Variants in KIAA1217 observed in about 807,000 individuals in gnomAD.
The protein encoded by KIAA1217 is KIAA1217.
A neutral mutation model predicts 163.9 loss-of-function variants in KIAA1217; 88 were observed. The observed-to-expected ratio is 0.54, with a 90% CI of 0.45 to 0.64. KIAA1217 has a LOEUF of 0.64. Among genes scored for constraint, KIAA1217 ranks in the 30% least tolerant of loss-of-function variants. The pLI is 0.00. For synonymous variants in KIAA1217, 903 were observed against 923.1 expected, an observed-to-expected ratio of 0.98 and a Z score of 0.39; for missense variants, 2,372 against 2,475.0, an observed-to-expected ratio of 0.96 and a Z score of 0.88.
At chr10:23,905,445 AT>A (rs1842121382) in intron 1 of KIAA1217, among the ~76,000 whole-genome samples, 1 of 152,024 alleles carries the variant, frequency 6.6e-6, no homozygotes, top group Admixed American at 6.6e-5. Flanking sequence ...TGTATGGTTT[AT>A]GCTTTACAGA....
chr10:24,277,549 G>A (rs545412126), intron 2 of KIAA1217, among the ~76,000 whole-genome samples: 6 of 152,334 alleles, frequency 3.9e-5, no homozygotes, highest in African/African-American at 1.4e-4. Context: ...CTGGTGGGAG[G>A]TAATTGAATC....
At chr10:23,716,326 G>T (rs1173903542) in intron 1 of KIAA1217, among the ~76,000 whole-genome samples, 1 of 151,964 alleles carries the variant, frequency 6.6e-6, no homozygotes, top group Non-Finnish European at 1.5e-5. Context: ...CCTTTGCATT[G>T]GTTTCTTATG....
Position 23,720,443 on chromosome 10 carries a change from G to A in KIAA1217, c.-321+25209G>A, listed in dbSNP as rs557236558. Among the ~76,000 whole-genome samples, 7 of 152,234 alleles carry A rather than the reference G, an allele frequency of 4.6e-5. No individual in the cohort carries two copies. The East Asian group carries it at 1.4e-3, about 29-fold the overall frequency. ...TAAAACTGATTATAGGTAGTATTGA[G>A]GATTTTTAAAAGAAATCTCTTTGTG... On this transcript the variant is annotated intron_variant, in intron 1 of 18. Coordinates refer to the KIAA1217 transcript ENST00000376462.
At chr10:23,834,108 T>G (rs532990835) in intron 1 of KIAA1217, among the ~76,000 whole-genome samples, 1 of 152,308 alleles carries the variant, frequency 6.6e-6, no homozygotes, top group South Asian at 2.1e-4. Context: ...AGTCTTATAT[T>G]TGTGTTTTGA....
chr10:24,510,013 T>C (rs2068881280), intron 9 of KIAA1217, among the ~76,000 whole-genome samples: 1 of 152,178 alleles, frequency 6.6e-6, no homozygotes, highest in Non-Finnish European at 1.5e-5. Context: ...AGTGGACCCA[T>C]GCATGCAGTT....
At chr10:23,849,232 T>C (rs1333901687) in intron 1 of KIAA1217, among the ~76,000 whole-genome samples, 2 of 152,106 alleles carry the variant, frequency 1.3e-5, no homozygotes, top group Non-Finnish European at 2.9e-5. Context: ...AAATCTCCAA[T>C]CTAAATCCAG....
chr10:24,303,421 T>C (rs1351738644), intron 2 of KIAA1217, among the ~76,000 whole-genome samples: 1 of 151,992 alleles, frequency 6.6e-6, no homozygotes, highest in Non-Finnish European at 1.5e-5. Context: ...CTGGACAACG[T>C]AGGGACAACA....
rs145973323 is a variant in KIAA1217, at chr10:24,528,061, G to A, written c.3024G>A (p.Pro1008=). 556 of 1,612,376 alleles carry A rather than the reference G, an allele frequency of 3.4e-4. 1 individual carries two copies. The African/African-American group carries it at 6.0e-3, about 18-fold the overall frequency. ...IMKSIPNLEM[P]PATGPLPRGD... ...AGTCAATACCAAATCTGGAGATGCC[G>A]CCAGCCACAGGCCCACTGCCAAGGG... is the stretch of plus-strand genomic sequence containing the variant. The change falls in exon 14 of 21, where the codon CCG becomes CCA. Residue 1008 remains proline, a synonymous_variant. Transcript: ENST00000376454.
chr10:24,399,240 T>C (rs1372248194), intron 3 of KIAA1217, among the ~76,000 whole-genome samples: 1 of 152,250 alleles, frequency 6.6e-6, no homozygotes, highest in Non-Finnish European at 1.5e-5. Flanking sequence ...TTTTTCTTAA[T>C]GTCTATTGCA....
rs528268819 is a variant in KIAA1217 at position 24,213,442 on chromosome 10, C to T, written c.70+4179C>T. 2.0e-5 allele frequency among the ~76,000 whole-genome samples: 3 copies of T among 152,274 alleles called. No individual in the cohort carries two copies. In the South Asian group the frequency reaches 6.2e-4, roughly 32 times the overall value. On this transcript the variant is annotated intron_variant, in intron 1 of 20. Coordinates refer to ENST00000376454, the MANE Select transcript of KIAA1217 (RefSeq NM_019590.5). ...TTGGCAGCCTCCCATCGAGTGCAAG[C>T]CTGGGGAATCAGATATGCAGAAGCC...
intron 16 of KIAA1217, among the ~76,000 whole-genome samples, 176 bp from the exon 17 acceptor site, chr10:24,536,598 C>T (rs2074048957): frequency 6.6e-6 from 1 of 152,126 alleles, no homozygotes; most frequent in Non-Finnish European, 1.5e-5. Context: ...TCCAAGCCAG[C>T]TTTGTCAACA....
intron 2 of KIAA1217, among the ~76,000 whole-genome samples, chr10:24,040,236 T>C (rs564097075): frequency 6.6e-6 from 1 of 152,314 alleles, no homozygotes; most frequent in Non-Finnish European, 1.5e-5. Context: ...GGCATGAATC[T>C]AAAATGTGAG....
intron 1 of KIAA1217, among the ~76,000 whole-genome samples, chr10:23,751,590 C>T (rs1839742247): frequency 6.6e-6 from 1 of 150,984 alleles, no homozygotes; most frequent in Non-Finnish European, 1.5e-5. Flanking sequence ...AACTTACTTT[C>T]AGTATTAAAA....
chr10:23,909,801 A>G (rs1299404395), intron 1 of KIAA1217, among the ~76,000 whole-genome samples: 1 of 152,186 alleles, frequency 6.6e-6, no homozygotes, highest in Non-Finnish European at 1.5e-5. Context: ...TCCTTTGGGT[A>G]TATACCCAGT....
intron 1 of KIAA1217, among the ~76,000 whole-genome samples, chr10:23,922,424 G>A (rs1431341117): frequency 1.3e-5 from 2 of 152,208 alleles, no homozygotes; most frequent in African/African-American, 2.4e-5. Flanking sequence ...AACCTGAGAA[G>A]GGGGTTATGG....
chr10:24,184,193 T>C (rs1261437673), intron 2 of KIAA1217, among the ~76,000 whole-genome samples: 3 of 152,192 alleles, frequency 2.0e-5, no homozygotes, highest in Non-Finnish European at 4.4e-5. Flanking sequence ...GTGGGTGGAA[T>C]GTGTACGTAT....
rs1463996602 is a variant in KIAA1217 at position 24,070,916 on chromosome 10, G to A, written c.-171+63542G>A. On this transcript the variant is annotated intron_variant, in intron 2 of 18. Coordinates refer to the KIAA1217 transcript ENST00000376462. The stretch of plus-strand genomic sequence containing the variant: ...AAAGCTTGTCTCTGTGGGATGCAAT[G>A]AGTATTCAAGTTGGTTGGGTGACTT... 2.6e-5 allele frequency among the ~76,000 whole-genome samples: 4 copies of A among 152,142 alleles called. No individual in the cohort carries two copies. In the South Asian group the frequency reaches 6.2e-4, roughly 24 times the overall value.
At chr10:24,128,437 A>G (rs997915315) in intron 2 of KIAA1217, among the ~76,000 whole-genome samples, 2 of 152,216 alleles carry the variant, frequency 1.3e-5, no homozygotes, top group Non-Finnish European at 2.9e-5. Flanking sequence ...AAGCTAATGA[A>G]AATGTTTAAA....
intron 2 of KIAA1217, among the ~76,000 whole-genome samples, chr10:24,019,575 A>G (rs1316309460): frequency 6.6e-6 from 1 of 151,936 alleles, no homozygotes; most frequent in Non-Finnish European, 1.5e-5. Context: ...ATCAGATGGT[A>G]AATGTTTTAG....
Sources: gnomAD v4.1 joint callset for allele counts (sites outside exome capture counted in the v4.1 genomes callset) on GRCh38, gnomAD v4.1.1 for gene constraint, MANE v1.5 for transcripts, NCBI Gene and HGNC (gene_info 2026-07-23, HGNC 2026-07-21) for gene names.